The following SBNO2 variants were observed in gnomAD, a reference collection of about 807,000 sequenced individuals.
The protein encoded by SBNO2 is strawberry notch homolog 2, also known as protein strawberry notch homolog 2.
SBNO2 carries 89 observed loss-of-function variants against 146.3 expected under a neutral mutation model. That is an observed-to-expected ratio of 0.61 (90% CI 0.51 to 0.73). The LOEUF (loss-of-function observed/expected upper bound fraction) is 0.73. Among genes scored for constraint, SBNO2 ranks in the 30% least tolerant of loss-of-function variants. The pLI, the probability that SBNO2 is intolerant of heterozygous loss-of-function variation, is 0.00. For synonymous variants in SBNO2, 1,147 were observed against 892.6 expected (o/e 1.29, Z -5.08); for missense variants, 2,092 against 2,003.7 (o/e 1.04, Z -0.84).
intron 4 of SBNO2, among the ~76,000 whole-genome samples, chr19:1,131,523 A>G (rs1411246447): frequency 2.0e-5 from 3 of 151,896 alleles, no homozygotes; most frequent in Non-Finnish European, 4.4e-5. Context: ...TCCAGAACTG[A>G]CTCCAGACCT....
chr19:1,122,700 A>C lies in SBNO2; in HGVS notation c.872T>G (p.Val291Gly). The C allele has an allele frequency of 6.5e-7, 1 of 1,535,210 alleles. No homozygotes were observed. The part of the protein sequence containing the change: ...GVGKGRTVAG[V>G]ILENHLRGRK... ...GCCGCGCAGGTGGTTCTCCAGGATG[A>C]CTCCGGCCACCGTCCGGCCTTTGCC... Residue 291 changes from valine to glycine, a missense_variant, in exon 9 of 32, where the codon GTC (valine) becomes GGC (glycine). Physicochemically the swap from Val to Gly is moderately radical, Grantham distance 109. Transcript: ENST00000361757.
At chr19:1,167,767 A>T (rs1204883677) in intron 1 of SBNO2, among the ~76,000 whole-genome samples, 2 of 152,190 alleles carry the variant, frequency 1.3e-5, no homozygotes, top group African/African-American at 4.8e-5. Flanking sequence ...GACCTGCAGT[A>T]CACAGCGCCA....
At position 1,127,432 on chromosome 19, in the gene SBNO2, G is replaced by T. The variant is rs375133956; in HGVS notation, c.441+172C>A. The T allele has an allele frequency of 5.4e-5, 35 of 650,626 alleles. No individual in the cohort carries two copies. The African/African-American group carries it at 6.1e-4, about 11-fold the overall frequency. 40.3% of individuals were successfully genotyped at this position (650,626 alleles called of 1,614,324 possible). A position where few individuals can be genotyped will look rare whatever the true frequency, so the allele number is the denominator to read the frequency against. ...GCCTTCTCCTATTCAGGACACAAGA[G>T]GACCCTCAACTAACCACCTCATCCA... On this transcript the variant is annotated intron_variant, in intron 5 of 31. Coordinates refer to ENST00000361757, the MANE Select transcript of SBNO2 (RefSeq NM_014963.3).
intron 1 of SBNO2, among the ~76,000 whole-genome samples, chr19:1,167,237 A>G (rs961856453): frequency 6.6e-6 from 1 of 152,256 alleles, no homozygotes; most frequent in Non-Finnish European, 1.5e-5. Context: ...AAATCACAGA[A>G]GCAGGAACTC....
chr19:1,166,057 G>A (rs201927889), intron 1 of SBNO2, among the ~76,000 whole-genome samples: 4 of 25,376 alleles, frequency 1.6e-4, no homozygotes, highest in South Asian at 1.5e-3. Flanking sequence ...CCAGATCCCA[G>A]ACCCCAGACC....
At position 1,173,873 on chromosome 19, in the gene SBNO2, T is replaced by C. The variant is rs1177146571; in HGVS notation, c.-127+299A>G. The C allele has an allele frequency of 1.4e-5, 2 of 140,090 alleles. No individual in the cohort carries two copies. The highest frequency in any genetic ancestry group is 3.1e-5 in the Non-Finnish European group (2 of 64,776). 8.7% of individuals were successfully genotyped at this position (140,090 alleles called of 1,614,324 possible). On this transcript the variant is annotated intron_variant, in intron 1 of 31. Transcript: ENST00000361757. This position sits in a 1 kb window ranked among gnomAD's most constrained non-coding sequence, Gnocchi z 4.7. ...GAGCGGGAAGGAAAGGTTGGGAGGG[T>C]TGTCGTGGAAGGTAGGGTTAAGGTT...
At chr19:1,159,453 GA>G (rs1347800441) in intron 1 of SBNO2, among the ~76,000 whole-genome samples, 2 of 129,070 alleles carry the variant, frequency 1.5e-5, no homozygotes, top group Non-Finnish European at 3.3e-5. Context: ...GGGGTAGCAA[GA>G]GGGGGTAGCA....
At chr19:1,119,306 A>G (rs2079870831) in intron 13 of SBNO2, 142 bp from the exon 14 acceptor site, 2 of 1,115,920 alleles carry the variant, frequency 1.8e-6, no homozygotes, top group Non-Finnish European at 2.5e-6. Flanking sequence ...TTGGCAGCTG[A>G]GCCTGGCGGG....
At position 1,126,897 on chromosome 19, in the gene SBNO2, G is replaced by A. The variant is rs759828564; in HGVS notation, c.441+707C>T. Among the ~76,000 whole-genome samples the A allele has an allele frequency of 3.3e-5, 5 of 152,202 alleles. No homozygotes were observed. The highest frequency in any genetic ancestry group is 3.2e-3 in the Middle Eastern group (1 of 316). ...CCTCCACTGAGTCGCACTGGGGCAC[G>A]GCTAGAGGCTAGGCCCGAAGAACCT... is the stretch of plus-strand genomic sequence containing the variant. On this transcript the variant is annotated intron_variant, in intron 5 of 31. Coordinates refer to ENST00000361757, the MANE Select transcript of SBNO2 (RefSeq NM_014963.3). The surrounding 1 kb of genome is among the most constrained non-coding windows in gnomAD (Gnocchi z 4.4).
intron 3 of SBNO2, 35 bp downstream of exon 3, chr19:1,149,334 C>G (rs1331362403): frequency 3.3e-6 from 5 of 1,536,676 alleles, no homozygotes; most frequent in South Asian, 1.2e-5. Flanking sequence ...AATGAGCAAG[C>G]CTGGGGGCCA....
intron 17 of SBNO2, chr19:1,115,608 G>A: frequency 3.9e-6 from 1 of 253,168 alleles, no homozygotes; most frequent in Non-Finnish European, 7.8e-6. Flanking sequence ...TGGACACGCG[G>A]GGTGCCTGGG....
Position 1,147,432 on chromosome 19 carries a change from TGG to T in SBNO2, c.168-14_168-13del, listed in dbSNP as rs5826725. Reference sequence around the variant, plus strand: ...AGCTCATGAACGGGCTGGAGGGAGATGGGGGGGGGGGAGGTGAGATGGGGTGC... The same window carrying T: ...AGCTCATGAACGGGCTGGAGGGAGATGGGGGGGGGAGGTGAGATGGGGTGC... On this transcript the variant is annotated splice_polypyrimidine_tract_variant and intron_variant, in intron 3 of 31. Transcript: ENST00000361757. 1,256 of 660,976 alleles carry T rather than the reference TGG, an allele frequency of 1.9e-3. 22 individuals carry two copies. Among genetic ancestry groups the T allele is most frequent in the African/African-American group, 0.015 (582 of 38,794 alleles). 40.9% of individuals were successfully genotyped at this position (660,976 alleles called of 1,614,324 possible). A position where few individuals can be genotyped will look rare whatever the true frequency, so the allele number is the denominator to read the frequency against.
In SBNO2 at chr19:1,140,593, GC is replaced by G. The variant is rs1217578569; in HGVS notation, c.279+6715del. ...GCAGCGGCATCCTGGCGCAGCGTGA[GC>G]CCCAGGGGTGGGGGTGGGGGTGGCC... On this transcript the variant is annotated intron_variant, in intron 4 of 31. Coordinates refer to ENST00000361757, the MANE Select transcript of SBNO2 (RefSeq NM_014963.3). The surrounding 1 kb of genome is among the most constrained non-coding windows in gnomAD (Gnocchi z 4.4). 2.0e-5 allele frequency among the ~76,000 whole-genome samples: 3 copies of G among 152,022 alleles called. No homozygotes were observed. The highest frequency in any genetic ancestry group is 4.8e-5 in the African/African-American group (2 of 41,404).
At chr19:1,168,186 C>T (rs975488121) in intron 1 of SBNO2, among the ~76,000 whole-genome samples, 1 of 152,188 alleles carries the variant, frequency 6.6e-6, no homozygotes, top group African/African-American at 2.4e-5. Flanking sequence ...ATCCACACCC[C>T]CACCCCGGGG....
chr19:1,163,256 G>A (rs2080367206), intron 1 of SBNO2, among the ~76,000 whole-genome samples: 2 of 152,226 alleles, frequency 1.3e-5, no homozygotes, highest in Non-Finnish European at 2.9e-5. Context: ...TAAGAGAAAA[G>A]AGGAACGTGG....
At chr19:1,127,961 G>A (rs1231908272) in intron 4 of SBNO2, among the ~76,000 whole-genome samples, 196 bp from the exon 5 acceptor site, 4 of 152,066 alleles carry the variant, frequency 2.6e-5, no homozygotes, top group African/African-American at 7.2e-5. Flanking sequence ...TTACAGGTGT[G>A]CGCCACCATG....
At position 1,125,226 on chromosome 19, in the gene SBNO2, G is replaced by A. The variant is rs556736923; in HGVS notation, c.442-1204C>T. Among the ~76,000 whole-genome samples, 111 of 151,752 alleles carry A rather than the reference G, an allele frequency of 7.3e-4. 1 individual carries two copies. The highest frequency in any genetic ancestry group is 2.6e-3 in the African/African-American group (109 of 41,364). On this transcript the variant is annotated intron_variant, in intron 5 of 31. Transcript: ENST00000361757. Reference sequence around the variant, plus strand: ...AAAAAAAAATTAGCCAGGTGTGGTGGTGGGCGCCTGTAATCTCAGCTGATC... The same window carrying A: ...AAAAAAAAATTAGCCAGGTGTGGTGATGGGCGCCTGTAATCTCAGCTGATC...
chr19:1,134,828 A>C (rs975917274), intron 4 of SBNO2, among the ~76,000 whole-genome samples: 3 of 152,080 alleles, frequency 2.0e-5, no homozygotes, highest in African/African-American at 7.2e-5. Context: ...TGGGTGGATC[A>C]CGAGGTCAGG....
rs7251039 is a variant in SBNO2 at position 1,116,936 on chromosome 19, G to A, written c.1705-10C>T. On this transcript the variant is annotated splice_polypyrimidine_tract_variant and intron_variant, in intron 15 of 31. Transcript: ENST00000361757. ...GCCCGATGACCACGCACTGTGGGAC[G>A]GCAGAGGACTGTGAGCCACCAGCCC... 0.52 allele frequency: 806,839 copies of A among 1,544,532 alleles called. 212,956 individuals are homozygous for A. Among genetic ancestry groups the A allele is most frequent in the African/African-American group, 0.69 (50,688 of 73,492 alleles).
Sources: allele counts gnomAD v4.1 joint callset (sites outside exome capture counted in the v4.1 genomes callset), GRCh38; gene constraint gnomAD v4.1.1; non-coding constraint Gnocchi (gnomAD v3.1); transcripts MANE v1.5; gene names NCBI Gene and HGNC (gene_info 2026-07-23, HGNC 2026-07-21).